The following RFTN1 variants were observed in gnomAD, a reference collection of about 807,000 sequenced individuals.
RFTN1 encodes the protein raftlin.
Under a neutral mutation model 46.5 loss-of-function variants are expected in RFTN1, and 26 were observed. The ratio of observed to expected loss-of-function variants is 0.56; its 90% CI spans 0.41 to 0.78. The LOEUF (loss-of-function observed/expected upper bound fraction) is 0.78, where lower values mean the gene tolerates loss of function less well. Ranked by LOEUF, RFTN1 falls within the 30% of genes least tolerant of loss-of-function variation. The pLI is 0.00. For missense variants in RFTN1, 693 were observed against 718.7 expected, an observed-to-expected ratio of 0.96 and a Z score of 0.41; for synonymous variants, 261 against 284.2, an observed-to-expected ratio of 0.92 and a Z score of 0.82.
rs919778817 is a variant in RFTN1, at chr3:16,466,494, G to T, written c.145+27231C>A. Among the ~76,000 whole-genome samples, 1 of 152,132 alleles carries T rather than the reference G, an allele frequency of 6.6e-6. No homozygotes were observed. The highest frequency in any genetic ancestry group is 2.4e-5 in the African/African-American group (1 of 41,412). Reference sequence around the variant, plus strand: ...ATGAAGCTCAGAAAAAGATGCAGAGGATTCCTTCTGTTCTTTGATGAACAC... The same window carrying T: ...ATGAAGCTCAGAAAAAGATGCAGAGTATTCCTTCTGTTCTTTGATGAACAC... On this transcript the variant is annotated intron_variant, in intron 2 of 9. Transcript: ENST00000334133. This position sits in a 1 kb window ranked among gnomAD's most constrained non-coding sequence, Gnocchi z 5.6.
chr3:16,328,353 G>A (rs566768855), intron 7 of RFTN1, among the ~76,000 whole-genome samples: 1 of 152,380 alleles, frequency 6.6e-6, no homozygotes, highest in African/African-American at 2.4e-5. Context: ...GTGGCCACGT[G>A]TGGTGAGTGG....
Position 16,452,673 on chromosome 3 carries a change from G to A in RFTN1, c.146-18636C>T, listed in dbSNP as rs2075839918. Among the ~76,000 whole-genome samples the A allele has an allele frequency of 6.6e-6, 1 of 152,194 alleles. No individual in the cohort carries two copies. Among genetic ancestry groups the A allele is most frequent in the South Asian group, 2.1e-4 (1 of 4,816 alleles). On this transcript the variant is annotated intron_variant, in intron 2 of 9. Transcript: ENST00000334133. The surrounding 1 kb of genome is among the most constrained non-coding windows in gnomAD (Gnocchi z 6.3). ...ACTGACCAATTATGGTCTCAACTGT[G>A]ACAGTGAAGGAGTGGTCAGTGTTGC... is the stretch of plus-strand genomic sequence containing the variant.
rs1329267993 is a variant in RFTN1 at position 16,454,833 on chromosome 3, T to C, written c.146-20796A>G. 3 of 959,834 alleles carry C rather than the reference T, an allele frequency of 3.1e-6. No homozygotes were observed. In the Admixed American group the frequency reaches 1.8e-4, roughly 59 times the overall value. The allele number at this position is 959,834 out of a possible 1,614,324, so 59.5% of individuals were successfully genotyped here. A position where few individuals can be genotyped will look rare whatever the true frequency, so the allele number is the denominator to read the frequency against. On this transcript the variant is annotated intron_variant, in intron 2 of 9. Transcript: ENST00000334133. ...AAGGCAGGGACTTTGTCTTGTTCAT[T>C]TTCTTCTCCTCACAACTAGCTTTTT...
rs1176515036 is a variant in RFTN1, at chr3:16,475,970, T to C, written c.145+17755A>G. Among the ~76,000 whole-genome samples, 2 of 152,218 alleles carry C rather than the reference T, an allele frequency of 1.3e-5. No individual in the cohort carries two copies. Among genetic ancestry groups the C allele is most frequent in the Admixed American group, 6.5e-5 (1 of 15,288 alleles). On this transcript the variant is annotated intron_variant, in intron 2 of 9. Transcript: ENST00000334133. This position sits in a 1 kb window ranked among gnomAD's most constrained non-coding sequence, Gnocchi z 4.2. ...AAGAGTGTGAATACTGCATGAAGCATAGACACATCATAGGCAGAAACAAAG... is the reference window on the plus strand; with the variant it reads ...AAGAGTGTGAATACTGCATGAAGCACAGACACATCATAGGCAGAAACAAAG...
chr3:16,499,589 A>G lies in RFTN1; in HGVS notation c.-8-5712T>C, dbSNP rs1186667597. On this transcript the variant is annotated intron_variant, in intron 1 of 9. Transcript: ENST00000334133. This position sits in a 1 kb window ranked among gnomAD's most constrained non-coding sequence, Gnocchi z 4.9. ...ACAAGCTGTTTCACCAAGCCCTGCC[A>G]AAGCTGCAGATTCCTGAGCAAAATA... 6.6e-6 allele frequency among the ~76,000 whole-genome samples: 1 copy of G among 152,266 alleles called. No individual in the cohort carries two copies. Among genetic ancestry groups the G allele is most frequent in the Non-Finnish European group, 1.5e-5 (1 of 68,034 alleles).
At chr3:16,408,493 G>A (rs997022523) in intron 4 of RFTN1, among the ~76,000 whole-genome samples, 2 of 150,856 alleles carry the variant, frequency 1.3e-5, no homozygotes, top group African/African-American at 4.9e-5. Flanking sequence ...CTGGGTAAGA[G>A]AGAACAAGAT....
intron 2 of RFTN1, among the ~76,000 whole-genome samples, chr3:16,438,433 A>G (rs2075556778): frequency 6.6e-6 from 1 of 151,708 alleles, no homozygotes; most frequent in African/African-American, 2.4e-5. Flanking sequence ...CAAAATACAA[A>G]AATTAGCTGC....
At position 16,374,432 on chromosome 3, in the gene RFTN1, C is replaced by G. The variant is rs1212064236; in HGVS notation, c.826+3286G>C. Reference sequence around the variant, plus strand: ...GGCCGCATCATGGGGTCCAACTATCCCAAGGGAGTTGGGAGGGAAGGAGCC... The same window carrying G: ...GGCCGCATCATGGGGTCCAACTATCGCAAGGGAGTTGGGAGGGAAGGAGCC... On this transcript the variant is annotated intron_variant, in intron 5 of 9. Transcript: ENST00000334133. The surrounding 1 kb of genome is among the most constrained non-coding windows in gnomAD (Gnocchi z 5.4). Among the ~76,000 whole-genome samples, 2 of 152,118 alleles carry G rather than the reference C, an allele frequency of 1.3e-5. No individual in the cohort carries two copies.
At chr3:16,360,040 C>T (rs2072725273) in intron 6 of RFTN1, among the ~76,000 whole-genome samples, 1 of 152,010 alleles carries the variant, frequency 6.6e-6, no homozygotes, top group South Asian at 2.1e-4. Context: ...AAAGGCTAAG[C>T]TTAATATTTT....
rs1471823988 is a variant in RFTN1, at chr3:16,440,215, T to G, written c.146-6178A>C. 6.6e-6 allele frequency among the ~76,000 whole-genome samples: 1 copy of G among 152,204 alleles called. No homozygotes were observed. Among genetic ancestry groups the G allele is most frequent in the Non-Finnish European group, 1.5e-5 (1 of 68,036 alleles). On this transcript the variant is annotated intron_variant, in intron 2 of 9. Transcript: ENST00000334133. This position sits in a 1 kb window ranked among gnomAD's most constrained non-coding sequence, Gnocchi z 4.6. ...CAGGTTCTATAGTTTTTATCTACAG[T>G]GATCACACTCGCCTCATCTGGGAAG...
intron 2 of RFTN1, among the ~76,000 whole-genome samples, chr3:16,492,460 A>G (rs893503324): frequency 1.3e-5 from 2 of 152,164 alleles, no homozygotes; most frequent in African/African-American, 4.8e-5. Context: ...AGATGAGGAC[A>G]CTGCTATAGA....
intron 6 of RFTN1, among the ~76,000 whole-genome samples, chr3:16,362,444 T>C (rs1294978516): frequency 6.6e-6 from 1 of 152,102 alleles, no homozygotes; most frequent in Non-Finnish European, 1.5e-5. Flanking sequence ...GGGTCCAAGG[T>C]GAGTATGGAC....
chr3:16,370,026 G>C lies in RFTN1; in HGVS notation c.1030+50C>G, dbSNP rs761999171. 6.5e-7 allele frequency: 1 copy of C among 1,534,554 alleles called. No homozygotes were observed. The highest frequency in any genetic ancestry group is 9.0e-7 in the Non-Finnish European group (1 of 1,107,870). ...AGAGGGACTAAGATTTCAAGAGTTA[G>C]AAGCAGAGTTCACAAAGGGCCACCC... On this transcript the variant is annotated intron_variant, in intron 6 of 9. Coordinates refer to ENST00000334133, the MANE Select transcript of RFTN1 (RefSeq NM_015150.2). This position sits in a 1 kb window ranked among gnomAD's most constrained non-coding sequence, Gnocchi z 5.5.
At position 16,377,825 on chromosome 3, in the gene RFTN1, G is replaced by T; in HGVS notation, c.719C>A (p.Pro240His). 6.2e-7 allele frequency: 1 copy of T among 1,614,186 alleles called. No homozygotes were observed. The highest frequency in any genetic ancestry group is 8.5e-7 in the Non-Finnish European group (1 of 1,180,032). ...TTCTCCACCATCTCCCTCTCCGGAG[G>T]GTGAGCTGGGCTGCTTGGCGAGGGG... ...EVPLAKQPSSPSGEGDGGELS... is the reference protein window; with the variant it reads ...EVPLAKQPSSHSGEGDGGELS... Residue 240 changes from proline (P) to histidine (H), a missense_variant, in exon 5 of 10, where the codon CCC becomes CAC. Coordinates refer to ENST00000334133, the MANE Select transcript of RFTN1 (RefSeq NM_015150.2).
At chr3:16,441,303 A>T (rs2075619516) in intron 2 of RFTN1, among the ~76,000 whole-genome samples, 1 of 148,434 alleles carries the variant, frequency 6.7e-6, no homozygotes. Context: ...AAGAACTAAA[A>T]AAAAAAAAAA....
chr3:16,415,917 A>G (rs1017084532), intron 3 of RFTN1, among the ~76,000 whole-genome samples: 5 of 152,190 alleles, frequency 3.3e-5, no homozygotes, highest in African/African-American at 1.2e-4. Context: ...ATCTGTTTAT[A>G]TGATTATCTG....
intron 1 of RFTN1, among the ~76,000 whole-genome samples, chr3:16,497,995 C>T (rs972915130): frequency 1.3e-5 from 2 of 152,098 alleles, no homozygotes; most frequent in Non-Finnish European, 2.9e-5. Context: ...TCTTGTGATT[C>T]ACAAGAGTTT....
At chr3:16,365,452 A>G (rs1165313222) in intron 6 of RFTN1, among the ~76,000 whole-genome samples, 1 of 152,200 alleles carries the variant, frequency 6.6e-6, no homozygotes, top group African/African-American at 2.4e-5. Flanking sequence ...TATTTAATAT[A>G]TATTTTATTT....
rs3054539 is a variant in RFTN1, at chr3:16,387,570, TTCTCTCTCTCTCTCTCTC to T, written c.442-9486_442-9469del. Among the ~76,000 whole-genome samples the T allele has an allele frequency of 4.5e-4, 52 of 116,500 alleles. 1 individual carries two copies. Among genetic ancestry groups the T allele is most frequent in the Middle Eastern group, 4.3e-3 (1 of 230 alleles). The allele number at this position is 116,500 out of a possible 152,430, so 76.4% of individuals were successfully genotyped here. A position where few individuals can be genotyped will look rare whatever the true frequency, so the allele number is the denominator to read the frequency against. ...CACTTCTCTCTTCTATATCCTCAAT[TTCTCTCTCTCTCTCTCTC>T]TCTCTCTCTCTCTCTCTCTCTCTAC... On this transcript the variant is annotated intron_variant, in intron 4 of 9. Transcript: ENST00000334133. This position sits in a 1 kb window ranked among gnomAD's most constrained non-coding sequence, Gnocchi z 5.2.
Sources: gnomAD v4.1 joint callset for allele counts (sites outside exome capture counted in the v4.1 genomes callset) on GRCh38, gnomAD v4.1.1 for gene constraint, Gnocchi (gnomAD v3.1) non-coding constraint, MANE v1.5 for transcripts, NCBI Gene and HGNC (gene_info 2026-07-23, HGNC 2026-07-21) for gene names.